The following AATF variants were observed in gnomAD, a reference collection of about 807,000 sequenced individuals.
AATF encodes protein AATF.
Under a neutral mutation model 63.7 loss-of-function variants are expected in AATF, and 48 were observed. The ratio of observed to expected loss-of-function variants is 0.75; its 90% CI spans 0.60 to 0.96. The LOEUF (loss-of-function observed/expected upper bound fraction) is 0.96. Ranked by LOEUF, AATF falls within the 40% of genes least tolerant of loss-of-function variation. The pLI, the probability that AATF is intolerant of heterozygous loss-of-function variation, is 0.00. For missense variants in AATF, 639 were observed against 685.7 expected (o/e 0.93, Z 0.76); for synonymous variants, 258 against 247.7 (o/e 1.04, Z -0.39).
chr17:37,056,599 A>G lies in AATF; in HGVS notation c.1620-2A>G, dbSNP rs754629358. On this transcript the variant is annotated splice_acceptor_variant, in intron 11 of 11. Transcript: ENST00000619387. LOFTEE classifies it high-confidence loss of function. ...AACCAGTTTGCTGTGTTTGTCTTTT[A>G]GGACAGAACTGTACCGCTCTCTTTT... The G allele has an allele frequency of 6.2e-7, 1 of 1,614,138 alleles. No homozygotes were observed. Among genetic ancestry groups the G allele is most frequent in the Non-Finnish European group, 8.5e-7 (1 of 1,180,012 alleles).
In AATF at chr17:37,020,883, A is replaced by G. The variant is rs759046738; in HGVS notation, c.1467-51A>G. The G allele has an allele frequency of 2.7e-5, 39 of 1,420,216 alleles. No individual in the cohort carries two copies. In the South Asian group the frequency reaches 3.6e-4, roughly 13 times the overall value. The allele number at this position is 1,420,216 out of a possible 1,614,324, so 88.0% of individuals were successfully genotyped here. The stretch of plus-strand genomic sequence containing the variant: ...GAATAATTCCAATTTGTCAATATGT[A>G]TAACTATTTCTGTTAGTGATGATGC... On this transcript the variant is annotated intron_variant, in intron 9 of 11. Transcript: ENST00000619387.
At chr17:36,976,855 T>C (rs555722200) in intron 4 of AATF, among the ~76,000 whole-genome samples, 23 of 152,340 alleles carry the variant, frequency 1.5e-4, no homozygotes, top group African/African-American at 5.3e-4. Context: ...ATTTAAGCGA[T>C]GGTAATTACT....
At chr17:37,009,614 G>A (rs1025802643) in intron 8 of AATF, among the ~76,000 whole-genome samples, 4 of 146,804 alleles carry the variant, frequency 2.7e-5, no homozygotes, top group Non-Finnish European at 6.0e-5. Flanking sequence ...TCAGGAGATC[G>A]AGACCATCCT....
chr17:37,023,288 A>G (rs1007357219), intron 10 of AATF, among the ~76,000 whole-genome samples: 19 of 152,204 alleles, frequency 1.2e-4, no homozygotes, highest in African/African-American at 4.6e-4. Context: ...TAGGCATTCA[A>G]AAATGTTCAA....
At chr17:36,973,696 A>G (rs912578711) in intron 4 of AATF, among the ~76,000 whole-genome samples, 15 of 152,314 alleles carry the variant, frequency 9.8e-5, no homozygotes, top group Non-Finnish European at 1.3e-4. Flanking sequence ...AGGTAAGACC[A>G]TTTTTTAGGT....
intron 4 of AATF, among the ~76,000 whole-genome samples, chr17:36,969,404 C>T (rs1231665077): frequency 6.6e-6 from 1 of 152,194 alleles, no homozygotes; most frequent in Non-Finnish European, 1.5e-5. Flanking sequence ...CTCTCTTTAG[C>T]TCTCTTCAAG....
chr17:37,010,390 G>A (rs972332519), intron 8 of AATF, among the ~76,000 whole-genome samples: 2 of 152,168 alleles, frequency 1.3e-5, no homozygotes, highest in African/African-American at 4.8e-5. Context: ...CCCAGAAGGC[G>A]GAGCTTGCAG....
At chr17:36,949,271 G>A in intron 1 of AATF, 55 bp downstream of exon 1, 1 of 1,503,784 alleles carries the variant, frequency 6.6e-7, no homozygotes, top group Non-Finnish European at 8.9e-7. Flanking sequence ...GCCCTGTGGG[G>A]CAAGGGGGCG....
intron 4 of AATF, among the ~76,000 whole-genome samples, chr17:36,965,049 T>C (rs1227644734): frequency 6.6e-6 from 1 of 152,206 alleles, no homozygotes; most frequent in Non-Finnish European, 1.5e-5. Flanking sequence ...TCCTCATTGA[T>C]GTATTCTTGT....
intron 2 of AATF, among the ~76,000 whole-genome samples, 192 bp downstream of exon 2, chr17:36,950,597 T>C (rs2070847634): frequency 6.6e-6 from 1 of 152,092 alleles, no homozygotes; most frequent in African/African-American, 2.4e-5. Context: ...CCTCTGGAGT[T>C]CAAGCGAGGC....
At chr17:36,988,408 G>A (rs1307274771) in intron 5 of AATF, 111 bp from the exon 6 acceptor site, 5 of 968,618 alleles carry the variant, frequency 5.2e-6, no homozygotes, top group African/African-American at 4.9e-5. Flanking sequence ...ATTTTGAATG[G>A]AGACAGAACA....
At chr17:37,035,790 A>C (rs931318925) in intron 11 of AATF, among the ~76,000 whole-genome samples, 2 of 152,214 alleles carry the variant, frequency 1.3e-5, no homozygotes, top group Admixed American at 6.5e-5. Context: ...AGAAAAATCT[A>C]CTTGTAGGAG....
chr17:36,973,926 C>T lies in AATF; in HGVS notation c.833-12691C>T, dbSNP rs187046716. The stretch of plus-strand genomic sequence containing the variant: ...TCTCTACTAAAAATACAGAAATTAG[C>T]TGGGCGTGGTGGCATACGCCTGTAA... On this transcript the variant is annotated intron_variant, in intron 4 of 11. Transcript: ENST00000619387. Among the ~76,000 whole-genome samples the T allele has an allele frequency of 1.7e-4, 26 of 152,212 alleles. 1 individual carries two copies. Among genetic ancestry groups the T allele is most frequent in the Admixed American group, 1.4e-3 (22 of 15,294 alleles).
chr17:36,949,988 A>G (rs569630855), intron 1 of AATF, among the ~76,000 whole-genome samples: 2 of 152,362 alleles, frequency 1.3e-5, no homozygotes, highest in South Asian at 4.1e-4. Context: ...ATAGGATCCA[A>G]GTCATAGAAA....
intron 4 of AATF, among the ~76,000 whole-genome samples, chr17:36,971,291 G>C (rs1754517250): frequency 6.6e-6 from 1 of 152,130 alleles, no homozygotes; most frequent in African/African-American, 2.4e-5. Context: ...GACAATATAT[G>C]ATAGCAAATA....
Position 37,010,783 on chromosome 17 carries a change from A to G in AATF, c.1399-8222A>G, listed in dbSNP as rs539772727. On this transcript the variant is annotated intron_variant, in intron 8 of 11. Transcript: ENST00000619387. Reference sequence around the variant, plus strand: ...AGTGGCTAGGGAAGCCTGTTCCCGCAGTGCATATGCAGAAGCAGCCTCTGG... The same window carrying G: ...AGTGGCTAGGGAAGCCTGTTCCCGCGGTGCATATGCAGAAGCAGCCTCTGG... 1.5e-3 allele frequency among the ~76,000 whole-genome samples: 225 copies of G among 152,314 alleles called. 1 individual carries two copies. Among genetic ancestry groups the G allele is most frequent in the African/African-American group, 5.3e-3 (222 of 41,576 alleles).
intron 10 of AATF, among the ~76,000 whole-genome samples, chr17:37,022,113 C>CGTGTGTGTGTGTGTGTGT (rs71159679): frequency 2.1e-5 from 3 of 145,334 alleles, no homozygotes; most frequent in African/African-American, 7.7e-5. Flanking sequence ...TGGTAACTGC[C>CGTGTGTGTGTGTGTGTGT]GTGTGTGTGT....
chr17:36,960,891 A>G (rs545296766), intron 4 of AATF, among the ~76,000 whole-genome samples: 1 of 152,332 alleles, frequency 6.6e-6, no homozygotes, highest in East Asian at 1.9e-4. Context: ...CAGTGTTCTA[A>G]TTATAAAAGT....
chr17:36,955,014 A>G (rs947313705), intron 4 of AATF, among the ~76,000 whole-genome samples: 2 of 152,146 alleles, frequency 1.3e-5, no homozygotes, highest in African/African-American at 4.8e-5. Context: ...CTCTATATAT[A>G]TATTTGGGAG....
Sources: allele counts gnomAD v4.1 joint callset (sites outside exome capture counted in the v4.1 genomes callset), GRCh38; gene constraint gnomAD v4.1.1; transcripts MANE v1.5; gene names NCBI Gene and HGNC (gene_info 2026-07-23, HGNC 2026-07-21).